The following STMN4 variants were observed in gnomAD, a reference collection of about 807,000 sequenced individuals.
The protein encoded by STMN4 is stathmin 4.
Under a neutral mutation model 29.1 loss-of-function variants are expected in STMN4, and 12 were observed. The ratio of observed to expected loss-of-function variants is 0.41; its 90% CI spans 0.26 to 0.67. The LOEUF is 0.67. STMN4 is among the 30% of genes least tolerant of loss of function. The pLI, the probability that STMN4 is intolerant of heterozygous loss-of-function variation, is 0.30. For synonymous variants in STMN4, 114 were observed against 105.3 expected (o/e 1.08, Z -0.51); for missense variants, 181 against 262.8 (o/e 0.69, Z 2.15).
chr8:27,239,527 A>G (rs1452305019), intron 6 of STMN4: 2 of 713,906 alleles, frequency 2.8e-6, no homozygotes, highest in African/African-American at 3.6e-5. Context: ...AGAGAGAATC[A>G]TGTTTCCTGC....
intron 6 of STMN4, among the ~76,000 whole-genome samples, chr8:27,238,914 C>T (rs999107992): frequency 1.3e-5 from 2 of 152,246 alleles, no homozygotes; most frequent in African/African-American, 4.8e-5. Context: ...TTGGGTCTGG[C>T]CTCAGGGCCA....
chr8:27,241,382 G>A, intron 4 of STMN4, 120 bp from the exon 5 acceptor site: 1 of 1,167,866 alleles, frequency 8.6e-7, no homozygotes, highest in Non-Finnish European at 1.2e-6. Flanking sequence ...GGAGACTGGG[G>A]TCTGGCTTAG....
At chr8:27,239,850 A>C (rs1330725019) in intron 6 of STMN4, 121 bp downstream of exon 6, 16 of 1,563,794 alleles carry the variant, frequency 1.0e-5, no homozygotes, top group Non-Finnish European at 1.4e-5. Flanking sequence ...CCTAAGAAAA[A>C]GATCCTGATT....
At chr8:27,239,264 G>A (rs1169242387) in intron 6 of STMN4, 3 of 1,535,648 alleles carry the variant, frequency 2.0e-6, no homozygotes, top group African/African-American at 1.4e-5. Flanking sequence ...GGGAGTCACC[G>A]CGCAGCAGGC....
intron 1 of STMN4, among the ~76,000 whole-genome samples, chr8:27,252,714 G>A (rs1801826921): frequency 6.6e-6 from 1 of 152,178 alleles, no homozygotes; most frequent in Non-Finnish European, 1.5e-5. Context: ...GTAAACATGG[G>A]ATTTGAATTG....
At chr8:27,251,876 T>C (rs1801798537) in intron 1 of STMN4, among the ~76,000 whole-genome samples, 1 of 151,886 alleles carries the variant, frequency 6.6e-6, no homozygotes, top group Non-Finnish European at 1.5e-5. Flanking sequence ...TAGTTACATA[T>C]GTATACATGT....
At chr8:27,247,499 T>A (rs1035858475) in intron 1 of STMN4, among the ~76,000 whole-genome samples, 6 of 152,212 alleles carry the variant, frequency 3.9e-5, no homozygotes, top group African/African-American at 1.4e-4. Context: ...TTATCCCTAA[T>A]AACCTGTGGC....
intron 1 of STMN4, among the ~76,000 whole-genome samples, chr8:27,252,323 C>T (rs1277119328): frequency 3.3e-5 from 5 of 152,138 alleles, no homozygotes; most frequent in South Asian, 2.1e-4. Context: ...TGGGTATATA[C>T]CCAGTAATGG....
chr8:27,237,898 T>A (rs952064383), intron 6 of STMN4, among the ~76,000 whole-genome samples: 5 of 152,218 alleles, frequency 3.3e-5, no homozygotes, highest in Non-Finnish European at 7.3e-5. Flanking sequence ...GACCACATTA[T>A]CTTTTCTACT....
chr8:27,242,776 A>C (rs939121239), intron 2 of STMN4, among the ~76,000 whole-genome samples: 12 of 152,028 alleles, frequency 7.9e-5, no homozygotes, highest in African/African-American at 2.7e-4. Context: ...CAGAAAGCAA[A>C]ATGCCCTCAT....
rs1214077140 is a variant in STMN4 at position 27,241,066 on chromosome 8, C to T, written c.387G>A (p.Glu129=). ...EEIQKKLEAA[E]ERRKYQEAEL... Reference sequence around the variant, plus strand: ...GGTCAGCATTTACCTTCCTTCGCTCCTCAGCCGCTTCTAGTTTCTTCTGGA... The same window carrying T: ...GGTCAGCATTTACCTTCCTTCGCTCTTCAGCCGCTTCTAGTTTCTTCTGGA... The change falls in exon 5 of 7, where the codon GAG becomes GAA. Residue 129 remains glutamate, a synonymous_variant. Transcript: ENST00000350889. 1 of 1,613,684 alleles carries T rather than the reference C, an allele frequency of 6.2e-7. No individual in the cohort carries two copies.
chr8:27,256,232 T>C (rs1296715922), intron 1 of STMN4, among the ~76,000 whole-genome samples: 1 of 152,190 alleles, frequency 6.6e-6, no homozygotes, highest in Non-Finnish European at 1.5e-5. Flanking sequence ...AGTTAGTGTC[T>C]AATGGGTATG....
rs890900950 is a variant in STMN4, at chr8:27,243,597, C to G, written c.13+114G>C. ...CCTCCCATCACTACCTGCACCCCCC[C>G]ACACACCCCGTGTGCTTCCTGCCAG... On this transcript the variant is annotated intron_variant, in intron 2 of 6. Transcript: ENST00000350889. 8.7e-6 allele frequency: 10 copies of G among 1,153,036 alleles called. No homozygotes were observed. The African/African-American group carries it at 9.1e-5, about 10-fold the overall frequency. The allele number at this position is 1,153,036 out of a possible 1,614,324, so 71.4% of individuals were successfully genotyped here.
chr8:27,239,889 T>C, intron 6 of STMN4, 82 bp downstream of exon 6: 2 of 1,607,124 alleles, frequency 1.2e-6, no homozygotes, highest in Non-Finnish European at 1.7e-6. Flanking sequence ...CTCCCTGAGA[T>C]GATCAGCAGG....
chr8:27,239,461 C>A, intron 6 of STMN4: 1 of 719,574 alleles, frequency 1.4e-6, no homozygotes. Context: ...CATTTATTGA[C>A]AAAAGGCAAC....
chr8:27,241,291 C>T (rs1403387150), intron 4 of STMN4, 29 bp from the exon 5 acceptor site: 9 of 1,613,482 alleles, frequency 5.6e-6, no homozygotes, highest in Non-Finnish European at 7.6e-6. Context: ...GGGCTGCTCA[C>T]GTCCTGAAGA....
At chr8:27,253,890 C>A (rs1801863636) in intron 1 of STMN4, among the ~76,000 whole-genome samples, 1 of 152,066 alleles carries the variant, frequency 6.6e-6, no homozygotes, top group Non-Finnish European at 1.5e-5. Context: ...TCAAGCGATT[C>A]TCCTGCCTCA....
chr8:27,254,412 C>A (rs1448739855), intron 1 of STMN4, among the ~76,000 whole-genome samples: 2 of 152,170 alleles, frequency 1.3e-5, no homozygotes, highest in Non-Finnish European at 2.9e-5. Flanking sequence ...TTGCCTAAAG[C>A]CCATCATGAA....
chr8:27,239,781 G>T (rs1247376306), intron 6 of STMN4, 190 bp downstream of exon 6: 2 of 1,528,792 alleles, frequency 1.3e-6, no homozygotes, highest in African/African-American at 2.8e-5. Flanking sequence ...CCTGAGTCTG[G>T]TTCCTATTTC....
Sources: allele counts gnomAD v4.1 joint callset (sites outside exome capture counted in the v4.1 genomes callset), GRCh38; gene constraint gnomAD v4.1.1; transcripts MANE v1.5; gene names NCBI Gene and HGNC (gene_info 2026-07-23, HGNC 2026-07-21).